Variants in FHIT observed in about 807,000 individuals in gnomAD.
The protein encoded by FHIT is fragile histidine triad diadenosine triphosphatase.
A neutral mutation model predicts 17.9 loss-of-function variants in FHIT; 19 were observed. That is an observed-to-expected ratio of 1.06 (90% CI 0.74 to 1.56). FHIT has a LOEUF of 1.56. Ranked by LOEUF, FHIT falls within the 40% of genes most tolerant of loss-of-function variation. The probability of loss-of-function intolerance (pLI) is 0.00; values close to 1 mark genes in which losing one functional copy is unlikely to be tolerated. For synonymous variants in FHIT, 81 were observed against 69.7 expected, an observed-to-expected ratio of 1.16 and a Z score of -0.81; for missense variants, 248 against 189.2, an observed-to-expected ratio of 1.31 and a Z score of -1.82.
intron 8 of FHIT, among the ~76,000 whole-genome samples, chr3:59,823,695 C>T (rs1030974358): frequency 6.6e-5 from 10 of 152,244 alleles, no homozygotes; most frequent in African/African-American, 2.4e-4. Flanking sequence ...AAGGGGCATA[C>T]CTCAATGTCA....
At chr3:60,611,542 A>C (rs1385836171) in intron 4 of FHIT, among the ~76,000 whole-genome samples, 3 of 152,224 alleles carry the variant, frequency 2.0e-5, no homozygotes, top group Non-Finnish European at 4.4e-5. Flanking sequence ...GCCTTTCCTT[A>C]TAAAGGTATG....
At chr3:59,903,334 T>A (rs1377407934) in intron 8 of FHIT, among the ~76,000 whole-genome samples, 1 of 152,124 alleles carries the variant, frequency 6.6e-6, no homozygotes, top group Non-Finnish European at 1.5e-5. Flanking sequence ...TTGGGGGTGA[T>A]GAAATTATTC....
At chr3:60,486,325 T>C (rs1189139119) in intron 5 of FHIT, among the ~76,000 whole-genome samples, 3 of 152,212 alleles carry the variant, frequency 2.0e-5, no homozygotes, top group Non-Finnish European at 4.4e-5. Flanking sequence ...ATGTACTTCA[T>C]TCTTTTTTCA....
intron 2 of FHIT, among the ~76,000 whole-genome samples, chr3:61,114,921 C>T (rs1236983092): frequency 6.6e-6 from 1 of 152,194 alleles, no homozygotes; most frequent in East Asian, 1.9e-4. Flanking sequence ...GCTTGCCACT[C>T]AATACCCAAC....
intron 5 of FHIT, among the ~76,000 whole-genome samples, chr3:60,107,171 TTG>T (rs1491035949): frequency 0.047 from 2,325 of 49,730 alleles, 41 homozygotes; most frequent in Non-Finnish European, 0.089. Context: ...TTTTTTTTTT[TTG>T]TACACAAAGG....
chr3:59,986,578 C>CACACACACACACACATAT (rs1708937390), intron 7 of FHIT, among the ~76,000 whole-genome samples: 1 of 58,370 alleles, frequency 1.7e-5, no homozygotes, highest in African/African-American at 9.4e-5. Flanking sequence ...CATATATACA[C>CACACACACACACACATAT]ACACACACAC....
intron 4 of FHIT, among the ~76,000 whole-genome samples, chr3:60,580,533 G>T (rs1472559683): frequency 1.3e-5 from 2 of 151,870 alleles, no homozygotes; most frequent in African/African-American, 2.4e-5. Flanking sequence ...TATCTGTATG[G>T]TTAATATTAA....
chr3:60,285,761 T>C (rs1707696044), intron 5 of FHIT, among the ~76,000 whole-genome samples: 1 of 152,250 alleles, frequency 6.6e-6, no homozygotes, highest in Admixed American at 6.5e-5. Context: ...CTCTATTTTT[T>C]AAATTTTATT....
chr3:60,748,719 G>A (rs912644617), intron 4 of FHIT, among the ~76,000 whole-genome samples: 5 of 152,152 alleles, frequency 3.3e-5, no homozygotes, highest in Non-Finnish European at 7.3e-5. Context: ...GGCTGAGGCA[G>A]GAGAAATGCT....
At chr3:61,128,502 G>A (rs934413843) in intron 2 of FHIT, among the ~76,000 whole-genome samples, 10 of 152,032 alleles carry the variant, frequency 6.6e-5, no homozygotes, top group Non-Finnish European at 2.9e-5. Context: ...CATTTTCAGA[G>A]CTGAAATGCG....
intron 5 of FHIT, among the ~76,000 whole-genome samples, chr3:60,093,359 A>T (rs1703808894): frequency 1.3e-5 from 2 of 152,038 alleles, no homozygotes; most frequent in Admixed American, 1.3e-4. Flanking sequence ...CATCACTCTG[A>T]CCTGCTTTTC....
chr3:60,191,908 T>TACAA (rs1444794278), intron 5 of FHIT, among the ~76,000 whole-genome samples: 5 of 151,474 alleles, frequency 3.3e-5, no homozygotes. Context: ...GTTCAGATAA[T>TACAA]ACAAACCAAA....
chr3:61,064,813 G>C (rs965839894), intron 2 of FHIT, among the ~76,000 whole-genome samples: 1 of 152,256 alleles, frequency 6.6e-6, no homozygotes, highest in East Asian at 1.9e-4. Context: ...ATGCTGCCTA[G>C]AGACAAAAAT....
chr3:60,397,999 G>T (rs1002698096), intron 5 of FHIT, among the ~76,000 whole-genome samples: 1 of 151,948 alleles, frequency 6.6e-6, no homozygotes. Context: ...TCCCACTTTC[G>T]GGTAGGGGAA....
intron 5 of FHIT, among the ~76,000 whole-genome samples, chr3:60,149,316 T>C (rs1208698755): frequency 6.7e-6 from 1 of 150,046 alleles, no homozygotes; most frequent in African/African-American, 2.4e-5. Flanking sequence ...AGAAATAGAA[T>C]AGTGTTGGAT....
chr3:60,438,012 CATATT>C (rs2030428919), intron 5 of FHIT, among the ~76,000 whole-genome samples: 1 of 151,982 alleles, frequency 6.6e-6, no homozygotes, highest in African/African-American at 2.4e-5. Flanking sequence ...TTCATATAGT[CATATT>C]ATATAAAAAG....
intron 7 of FHIT, among the ~76,000 whole-genome samples, chr3:59,946,357 T>C (rs1334673985): frequency 6.6e-6 from 1 of 152,234 alleles, no homozygotes; most frequent in Non-Finnish European, 1.5e-5. Flanking sequence ...GCTACTAATT[T>C]TTTACATTGA....
At chr3:60,739,441 C>A (rs1346551892) in intron 4 of FHIT, among the ~76,000 whole-genome samples, 1 of 152,232 alleles carries the variant, frequency 6.6e-6, no homozygotes, top group Non-Finnish European at 1.5e-5. Flanking sequence ...CATCTGTGTG[C>A]TCCCTCTCCC....
chr3:60,282,402 T>C (rs889369391), intron 5 of FHIT, among the ~76,000 whole-genome samples: 12 of 152,116 alleles, frequency 7.9e-5, no homozygotes, highest in Non-Finnish European at 1.6e-4. Context: ...GGGAAAACTA[T>C]AGAGGCAATA....
Sources: gnomAD v4.1 joint callset for allele counts (sites outside exome capture counted in the v4.1 genomes callset) on GRCh38, gnomAD v4.1.1 for gene constraint, MANE v1.5 for transcripts, NCBI Gene and HGNC (gene_info 2026-07-23, HGNC 2026-07-21) for gene names.